The following WDR7 variants were observed in gnomAD, a reference collection of about 807,000 sequenced individuals.
The protein encoded by WDR7 is WD repeat domain 7.
Under a neutral mutation model 169.4 loss-of-function variants are expected in WDR7, and 46 were observed. That is an observed-to-expected ratio of 0.27 (90% CI 0.21 to 0.35). The LOEUF is 0.35. WDR7 is among the 10% of genes least tolerant of loss of function. WDR7 has a pLI of 1.00. For missense variants in WDR7, 1,534 were observed against 1,859.3 expected, an observed-to-expected ratio of 0.83 and a Z score of 3.22; for synonymous variants, 612 against 666.8, an observed-to-expected ratio of 0.92 and a Z score of 1.27.
intron 14 of WDR7, among the ~76,000 whole-genome samples, chr18:56,742,621 A>T (rs2043637626): frequency 6.6e-6 from 1 of 152,218 alleles, no homozygotes; most frequent in Non-Finnish European, 1.5e-5. Flanking sequence ...ACCTTCAGAA[A>T]ATACACTCAG....
At chr18:57,004,193 G>A (rs772934654) in intron 26 of WDR7, among the ~76,000 whole-genome samples, 15 of 151,950 alleles carry the variant, frequency 9.9e-5, no homozygotes, top group Admixed American at 2.6e-4. Context: ...TTAGAGCTTT[G>A]GATGAATCTA....
rs117483795 is a variant in WDR7, at chr18:56,723,951, T to A, written c.1774+5792T>A. Among the ~76,000 whole-genome samples the A allele has an allele frequency of 4.1e-4, 63 of 152,064 alleles. No homozygotes were observed. In the East Asian group the frequency reaches 6.4e-3, roughly 15 times the overall value. The stretch of plus-strand genomic sequence containing the variant: ...AGCTTACTGATATTTTCTTCTATAA[T>A]GTCTAATCTAATTGTTCCCATCTAG... On this transcript the variant is annotated intron_variant, in intron 13 of 27. Transcript: ENST00000254442.
intron 19 of WDR7, among the ~76,000 whole-genome samples, chr18:56,793,877 G>T (rs2044535936): frequency 6.6e-6 from 1 of 152,182 alleles, no homozygotes; most frequent in Non-Finnish European, 1.5e-5. Context: ...TGGTAGGAGG[G>T]TAGGTATTTG....
rs1380253317 is a variant in WDR7, at chr18:56,781,553, C to G, written c.3087C>G (p.Ala1029=). 12 of 1,609,878 alleles carry G rather than the reference C, an allele frequency of 7.5e-6. No homozygotes were observed. Among genetic ancestry groups the G allele is most frequent in the Non-Finnish European group, 7.6e-6 (9 of 1,178,000 alleles). Residue 1029 remains alanine (A), a synonymous_variant, in exon 19 of 28, where the codon GCC becomes GCG. Coordinates refer to ENST00000254442, the MANE Select transcript of WDR7 (RefSeq NM_015285.3). ...RCLEVREAAQ[A]LLLAELRRIE... is the part of the protein sequence containing the mutation. ...CTTAGGTGAGAGAAGCCGCGCAGGC[C>G]CTGCTTCTGGCGGAACTGAGAAGAA...
At chr18:56,842,119 T>C (rs2045495866) in intron 20 of WDR7, among the ~76,000 whole-genome samples, 1 of 152,204 alleles carries the variant, frequency 6.6e-6, no homozygotes. Context: ...CATATTTGTT[T>C]TCATTTTAAC....
At chr18:56,810,443 A>G (rs958659626) in intron 19 of WDR7, among the ~76,000 whole-genome samples, 4 of 152,188 alleles carry the variant, frequency 2.6e-5, no homozygotes, top group African/African-American at 9.6e-5. Flanking sequence ...AAATATATAT[A>G]TAATTTTGAA....
intron 25 of WDR7, among the ~76,000 whole-genome samples, chr18:56,950,682 A>G (rs2047168998): frequency 6.6e-6 from 1 of 152,334 alleles, no homozygotes; most frequent in South Asian, 2.1e-4. Flanking sequence ...GATTTCAGGA[A>G]AACTAAGGCT....
At chr18:57,012,555 A>G (rs2145919247) in intron 26 of WDR7, among the ~76,000 whole-genome samples, 1 of 152,366 alleles carries the variant, frequency 6.6e-6, no homozygotes, top group Middle Eastern at 3.4e-3. Context: ...GGCAAGCTCC[A>G]GCACCGCCAC....
At chr18:56,973,092 T>G (rs2047514751) in intron 26 of WDR7, among the ~76,000 whole-genome samples, 1 of 152,200 alleles carries the variant, frequency 6.6e-6, no homozygotes. Flanking sequence ...GGTCTCAAAC[T>G]CCTGACCTCA....
chr18:57,005,207 A>T (rs991313304), intron 26 of WDR7, among the ~76,000 whole-genome samples: 9 of 152,238 alleles, frequency 5.9e-5, no homozygotes, highest in Non-Finnish European at 1.0e-4. Flanking sequence ...GTTTAAAAAA[A>T]TGATGTCCTT....
intron 20 of WDR7, among the ~76,000 whole-genome samples, chr18:56,845,822 C>T (rs1037297729): frequency 2.6e-5 from 4 of 151,892 alleles, no homozygotes; most frequent in Non-Finnish European, 4.4e-5. Context: ...AAACAAGAAT[C>T]GACAAAGAAA....
In WDR7 at chr18:56,809,931, T is replaced by C. The variant is rs897955075; in HGVS notation, c.3191-6100T>C. ...CTAAAAATTTTGCTTTACCTCTTTA[T>C]AGTCAATCCTTTTGTCACACTCCTA... On this transcript the variant is annotated intron_variant, in intron 19 of 27. Transcript: ENST00000254442. 2.6e-5 allele frequency among the ~76,000 whole-genome samples: 4 copies of C among 152,078 alleles called. No individual in the cohort carries two copies. The East Asian group carries it at 7.7e-4, about 29-fold the overall frequency.
intron 21 of WDR7, among the ~76,000 whole-genome samples, chr18:56,917,399 A>G (rs2046643798): frequency 6.6e-6 from 1 of 152,220 alleles, no homozygotes; most frequent in Non-Finnish European, 1.5e-5. Flanking sequence ...ATATTTCTTT[A>G]TAGTTAATGA....
At chr18:56,874,067 G>C (rs2045989220) in intron 20 of WDR7, 1 of 152,196 alleles carries the variant, frequency 6.6e-6, no homozygotes, top group Non-Finnish European at 1.5e-5. Flanking sequence ...TTTGCTTCCT[G>C]TTTCAAGAAT....
intron 20 of WDR7, among the ~76,000 whole-genome samples, chr18:56,825,738 A>G (rs947849473): frequency 6.6e-6 from 1 of 152,274 alleles, no homozygotes; most frequent in African/African-American, 2.4e-5. Flanking sequence ...AATTTTTAAT[A>G]TAGCTTAACT....
chr18:56,940,283 C>A (rs1297728985), intron 25 of WDR7, among the ~76,000 whole-genome samples: 1 of 152,104 alleles, frequency 6.6e-6, no homozygotes, highest in African/African-American at 2.4e-5. Flanking sequence ...CTACAGCTTT[C>A]CTGAGAGCAA....
At chr18:56,812,583 A>G (rs1354361374) in intron 19 of WDR7, among the ~76,000 whole-genome samples, 1 of 152,158 alleles carries the variant, frequency 6.6e-6, no homozygotes, top group Non-Finnish European at 1.5e-5. Flanking sequence ...GGCTCAGTTT[A>G]AGTCTAAAAT....
At chr18:56,776,960 C>A in intron 17 of WDR7, 80 bp downstream of exon 17, 1 of 1,271,918 alleles carries the variant, frequency 7.9e-7, no homozygotes, top group Non-Finnish European at 1.1e-6. Flanking sequence ...CTGAGTTACA[C>A]ATTCATCTGC....
intron 26 of WDR7, among the ~76,000 whole-genome samples, chr18:56,980,671 A>T (rs2047630674): frequency 6.6e-6 from 1 of 152,254 alleles, no homozygotes; most frequent in Non-Finnish European, 1.5e-5. Flanking sequence ...ATGATGTCCA[A>T]CCTTTGTAAG....
Sources: gnomAD v4.1 joint callset for allele counts (sites outside exome capture counted in the v4.1 genomes callset) on GRCh38, gnomAD v4.1.1 for gene constraint, MANE v1.5 for transcripts, NCBI Gene and HGNC (gene_info 2026-07-23, HGNC 2026-07-21) for gene names.